ANKRD13C: variants seen among roughly 807,000 people sequenced by gnomAD.
ANKRD13C encodes ankyrin repeat domain-containing protein 13C.
Under a neutral mutation model 65.5 loss-of-function variants are expected in ANKRD13C, and 16 were observed. That is an observed-to-expected ratio of 0.24 (90% CI 0.17 to 0.37). The LOEUF is 0.37. Among genes scored for constraint, ANKRD13C ranks in the 10% least tolerant of loss-of-function variants. The pLI is 1.00. For missense variants in ANKRD13C, 503 were observed against 655.9 expected, an observed-to-expected ratio of 0.77 and a Z score of 2.55; for synonymous variants, 235 against 238.7, an observed-to-expected ratio of 0.98 and a Z score of 0.14.
rs995932797 is a variant in ANKRD13C, at chr1:70,354,472, C to A, written c.-64G>T. 16 of 1,533,484 alleles carry A rather than the reference C, an allele frequency of 1.0e-5. 1 individual carries two copies. In the African/African-American group the frequency reaches 1.9e-4, roughly 18 times the overall value. The allele number at this position is 1,533,484 out of a possible 1,614,324, so 95.0% of individuals were successfully genotyped here. On this transcript the variant is annotated 5_prime_UTR_variant, in exon 1 of 13. Coordinates refer to ENST00000370944, the MANE Select transcript of ANKRD13C (RefSeq NM_030816.5). ...ACCGCTGGCGACGGAGCTGGCGCTG[C>A]GGCGGCACAAGGCGATTAGAGCGGT...
chr1:70,294,703 G>A (rs1680005630), intron 8 of ANKRD13C, among the ~76,000 whole-genome samples: 1 of 150,782 alleles, frequency 6.6e-6, no homozygotes, highest in African/African-American at 2.4e-5. Flanking sequence ...ATCACTCACT[G>A]TGGCCTCAAC....
chr1:70,309,299 C>T (rs1680732716), intron 5 of ANKRD13C, among the ~76,000 whole-genome samples: 1 of 151,788 alleles, frequency 6.6e-6, no homozygotes, highest in East Asian at 2.0e-4. Context: ...GTCTCAAACT[C>T]CTGACCTAAG....
intron 1 of ANKRD13C, among the ~76,000 whole-genome samples, chr1:70,350,245 A>G (rs1334643011): frequency 6.6e-6 from 1 of 152,248 alleles, no homozygotes; most frequent in Non-Finnish European, 1.5e-5. Context: ...CAAGGCTAAT[A>G]TATCTCCAGC....
intron 2 of ANKRD13C, among the ~76,000 whole-genome samples, chr1:70,335,596 G>C (rs1681987627): frequency 6.6e-6 from 1 of 151,086 alleles, no homozygotes. Flanking sequence ...TGCCTATAAG[G>C]CTTTTTAATT....
At position 70,296,180 on chromosome 1, in the gene ANKRD13C, T is replaced by C. The variant is rs770990181; in HGVS notation, c.1003A>G (p.Ile335Val). The stretch of plus-strand genomic sequence containing the variant: ...CCTGTCTGGGCACGCGTGAAAGAAA[T>C]TGATTTTGTTGATAAAGTTGCAGAG... ...IYSATLSTKS[I>V]SFTRAQTGWL... The change falls in exon 8 of 13, where the codon ATT becomes GTT. Residue 335 changes from isoleucine to valine, a missense_variant. Ile to Val is a conservative substitution (Grantham distance 29). Transcript: ENST00000370944. 10 of 1,613,922 alleles carry C rather than the reference T, an allele frequency of 6.2e-6. No homozygotes were observed. Among genetic ancestry groups the C allele is most frequent in the South Asian group, 2.2e-5 (2 of 91,086 alleles).
chr1:70,328,524 G>A (rs561293834), intron 2 of ANKRD13C, among the ~76,000 whole-genome samples: 1 of 152,064 alleles, frequency 6.6e-6, no homozygotes, highest in Non-Finnish European at 1.5e-5. Flanking sequence ...GTAGCCAGGT[G>A]TGGTGGCACA....
intron 1 of ANKRD13C, among the ~76,000 whole-genome samples, chr1:70,344,123 C>A (rs1232149747): frequency 2.0e-5 from 3 of 151,772 alleles, no homozygotes; most frequent in Non-Finnish European, 2.9e-5. Flanking sequence ...CAAGGTGAAA[C>A]CCCATCTCTA....
chr1:70,344,026 G>A (rs1300518919), intron 1 of ANKRD13C, among the ~76,000 whole-genome samples: 1 of 152,038 alleles, frequency 6.6e-6, no homozygotes, highest in African/African-American at 2.4e-5. Flanking sequence ...GGCTGGGCAT[G>A]GTGGCTCACG....
intron 1 of ANKRD13C, among the ~76,000 whole-genome samples, chr1:70,346,291 TTAAG>T (rs1682523518): frequency 6.6e-6 from 1 of 152,148 alleles, no homozygotes; most frequent in South Asian, 2.1e-4. Context: ...ATCAAAAACA[TTAAG>T]TAAAATGGCC....
intron 5 of ANKRD13C, among the ~76,000 whole-genome samples, chr1:70,312,384 G>A (rs1231200300): frequency 8.4e-6 from 1 of 118,742 alleles, no homozygotes; most frequent in South Asian, 2.7e-4. Flanking sequence ...TTTTTTTTTT[G>A]AGACAGAGCC....
At chr1:70,315,409 A>C in intron 4 of ANKRD13C, 72 bp downstream of exon 4, 1 of 1,323,014 alleles carries the variant, frequency 7.6e-7, no homozygotes, top group Non-Finnish European at 1.0e-6. Context: ...AAGTTGTATT[A>C]AGAAAAAAAT....
chr1:70,335,399 C>G (rs1472097314), intron 2 of ANKRD13C, among the ~76,000 whole-genome samples: 1 of 146,568 alleles, frequency 6.8e-6, no homozygotes, highest in Admixed American at 7.0e-5. Context: ...GAGCGAGACT[C>G]TGCCTCAAAA....
At chr1:70,294,984 C>T (rs2101285870) in intron 8 of ANKRD13C, among the ~76,000 whole-genome samples, 1 of 152,166 alleles carries the variant, frequency 6.6e-6, no homozygotes, top group South Asian at 2.1e-4. Flanking sequence ...TCTTCCTTCT[C>T]CTCTCTCCCC....
chr1:70,353,058 GTATACAA>G (rs1210258545), intron 1 of ANKRD13C, among the ~76,000 whole-genome samples: 1 of 152,170 alleles, frequency 6.6e-6, no homozygotes. Flanking sequence ...CTAACTGAAT[GTATACAA>G]TTTTCATATT....
intron 5 of ANKRD13C, among the ~76,000 whole-genome samples, chr1:70,308,505 C>T (rs1432090234): frequency 6.6e-6 from 1 of 151,456 alleles, no homozygotes; most frequent in Non-Finnish European, 1.5e-5. Context: ...TTTGGGAGGC[C>T]GAGGCGGGCA....
intron 6 of ANKRD13C, among the ~76,000 whole-genome samples, chr1:70,301,802 C>T (rs1680366896): frequency 6.6e-6 from 1 of 152,158 alleles, no homozygotes; most frequent in Non-Finnish European, 1.5e-5. Context: ...AAAAAGTTTA[C>T]AATACACTGA....
intron 12 of ANKRD13C, among the ~76,000 whole-genome samples, chr1:70,266,938 C>T (rs60441970): frequency 0.085 from 12,940 of 152,172 alleles, 715 homozygotes; most frequent in East Asian, 0.29. Flanking sequence ...TCTATAAATG[C>T]CAATTAAATC....
intron 3 of ANKRD13C, among the ~76,000 whole-genome samples, chr1:70,318,721 T>C (rs1364511703): frequency 6.9e-6 from 1 of 144,318 alleles, no homozygotes; most frequent in Non-Finnish European, 1.5e-5. Flanking sequence ...TCTCGCTCTG[T>C]CGCCAGGCTG....
chr1:70,344,581 T>G (rs1336962643), intron 1 of ANKRD13C, among the ~76,000 whole-genome samples: 1 of 152,158 alleles, frequency 6.6e-6, no homozygotes, highest in Non-Finnish European at 1.5e-5. Context: ...TTTAATTTGC[T>G]CAATAATCCT....
Sources: gnomAD v4.1 joint callset for allele counts (sites outside exome capture counted in the v4.1 genomes callset) on GRCh38, gnomAD v4.1.1 for gene constraint, MANE v1.5 for transcripts, NCBI Gene and HGNC (gene_info 2026-07-23, HGNC 2026-07-21) for gene names.